Variants in WDR48 observed in about 807,000 individuals in gnomAD.
WDR48 encodes the protein WD repeat-containing protein 48.
Under a neutral mutation model 94.0 loss-of-function variants are expected in WDR48, and 22 were observed. The ratio of observed to expected loss-of-function variants is 0.23; its 90% CI spans 0.17 to 0.33. WDR48 has a LOEUF of 0.33. WDR48 is among the 10% of genes least tolerant of loss of function. WDR48 has a pLI of 1.00. For synonymous variants in WDR48, 278 were observed against 280.5 expected (o/e 0.99, Z 0.09); for missense variants, 541 against 813.8 (o/e 0.66, Z 4.08).
intron 1 of WDR48, among the ~76,000 whole-genome samples, chr3:39,054,427 A>T (rs2032714981): frequency 6.6e-6 from 1 of 152,172 alleles, no homozygotes; most frequent in Non-Finnish European, 1.5e-5. Context: ...GTCTCCAGAC[A>T]TTTTCAAATG....
chr3:39,080,413 C>T (rs2034461107), intron 11 of WDR48, among the ~76,000 whole-genome samples: 1 of 152,224 alleles, frequency 6.6e-6, no homozygotes, highest in African/African-American at 2.4e-5. Context: ...AGTTGAAATG[C>T]ATGAAGCTAT....
intron 13 of WDR48, 44 bp from the exon 14 acceptor site, chr3:39,085,471 A>T: frequency 6.8e-7 from 1 of 1,473,424 alleles, no homozygotes; most frequent in Non-Finnish European, 9.4e-7. Context: ...AAGCCAAGTA[A>T]CTCGCTTTTC....
chr3:39,077,331 G>T, intron 9 of WDR48, 118 bp downstream of exon 9: 1 of 994,050 alleles, frequency 1.0e-6, no homozygotes. Context: ...TTTGGGCAGG[G>T]GCAAAAACCT....
intron 11 of WDR48, among the ~76,000 whole-genome samples, chr3:39,080,627 C>T (rs1367180692): frequency 6.6e-6 from 1 of 152,148 alleles, no homozygotes; most frequent in African/African-American, 2.4e-5. Context: ...TACCTTGATC[C>T]CCTTTGGTAG....
rs546286204 is a variant in WDR48, at chr3:39,081,845, G to A, written c.1173+2037G>A. Among the ~76,000 whole-genome samples the A allele has an allele frequency of 2.7e-3, 418 of 152,346 alleles. 1 individual carries two copies. Among genetic ancestry groups the A allele is most frequent in the African/African-American group, 9.6e-3 (398 of 41,576 alleles). ...TCTGAATGGGAGGTACTTCTACTTA[G>A]ATGGGGCCAGCATACATCATGATTG... On this transcript the variant is annotated intron_variant, in intron 11 of 18. Transcript: ENST00000302313.
intron 14 of WDR48, chr3:39,086,487 AC>A (rs2034814941): frequency 6.6e-6 from 1 of 152,090 alleles, no homozygotes; most frequent in Non-Finnish European, 1.5e-5. Flanking sequence ...TTCCTTGAAA[AC>A]CAGTCTTCTG....
chr3:39,057,444 A>G (rs1017110814), intron 1 of WDR48, among the ~76,000 whole-genome samples: 2 of 152,206 alleles, frequency 1.3e-5, no homozygotes, highest in Non-Finnish European at 2.9e-5. Flanking sequence ...CATTACAGTC[A>G]TTACTATTTG....
At chr3:39,092,758 T>A (rs1880498) in intron 17 of WDR48, among the ~76,000 whole-genome samples, 1 of 151,982 alleles carries the variant, frequency 6.6e-6, no homozygotes, top group Non-Finnish European at 1.5e-5. Flanking sequence ...TCCAAACTTA[T>A]ATAGAAAGAA....
chr3:39,068,167 T>C (rs1235546739), intron 5 of WDR48, among the ~76,000 whole-genome samples: 1 of 152,216 alleles, frequency 6.6e-6, no homozygotes, highest in African/African-American at 2.4e-5. Context: ...GTAGACATTT[T>C]TCTAAACAGT....
chr3:39,070,852 T>G (rs1290528068), intron 7 of WDR48, among the ~76,000 whole-genome samples: 2 of 151,950 alleles, frequency 1.3e-5, no homozygotes, highest in African/African-American at 2.4e-5. Context: ...CCCACAACAG[T>G]CCCCAGAGTG....
At chr3:39,070,105 T>G (rs962128875) in intron 7 of WDR48, among the ~76,000 whole-genome samples, 1 of 152,242 alleles carries the variant, frequency 6.6e-6, no homozygotes, top group African/African-American at 2.4e-5. Context: ...TGGGTCTGAC[T>G]TAGGGGCACA....
At chr3:39,092,903 ACAC>A (rs2035156306) in intron 17 of WDR48, among the ~76,000 whole-genome samples, 1 of 151,944 alleles carries the variant, frequency 6.6e-6, no homozygotes, top group Non-Finnish European at 1.5e-5. Context: ...ACACACACAC[ACAC>A]AATTATTTTA....
intron 2 of WDR48, 115 bp from the exon 3 acceptor site, chr3:39,065,696 A>G: frequency 3.3e-6 from 2 of 605,728 alleles, no homozygotes; most frequent in Non-Finnish European, 5.3e-6. Context: ...TTCAGGTGTT[A>G]GTTTTAATGC....
At chr3:39,076,045 T>G (rs2034207514) in intron 8 of WDR48, among the ~76,000 whole-genome samples, 1 of 152,158 alleles carries the variant, frequency 6.6e-6, no homozygotes, top group Non-Finnish European at 1.5e-5. Flanking sequence ...ACTACTCCCT[T>G]TTCTCAGAAA....
chr3:39,075,870 GT>G (rs895288313), intron 8 of WDR48, among the ~76,000 whole-genome samples: 1 of 151,072 alleles, frequency 6.6e-6, no homozygotes. Context: ...ATTTTTTTTT[GT>G]TTTTTTAGTA....
chr3:39,089,249 C>T lies in WDR48; in HGVS notation c.1599C>T (p.Ser533=), dbSNP rs977751105. 11 of 1,612,920 alleles carry T rather than the reference C, an allele frequency of 6.8e-6. No individual in the cohort carries two copies. The highest frequency in any genetic ancestry group is 4.4e-5 in the South Asian group (4 of 90,756). The stretch of plus-strand genomic sequence containing the variant: ...TGTTTAGGCTGCTCTGCCGAGATTC[C>T]GGGGGTGAGACTGAGTCTATGCTTC... The part of the protein sequence containing the change: ...RTLFRLLCRD[S]GGETESMLLN... Residue 533 remains serine (S), a synonymous_variant, in exon 16 of 19, where the codon TCC becomes TCT. Coordinates refer to ENST00000302313, the MANE Select transcript of WDR48 (RefSeq NM_020839.4).
At chr3:39,073,485 A>G (rs1340823227) in intron 7 of WDR48, among the ~76,000 whole-genome samples, 1 of 152,212 alleles carries the variant, frequency 6.6e-6, no homozygotes, top group African/African-American at 2.4e-5. Flanking sequence ...CAAATCTCCA[A>G]GCCCACAACT....
At position 39,082,220 on chromosome 3, in the gene WDR48, G is replaced by A. The variant is rs142010311; in HGVS notation, c.1174-1935G>A. Among the ~76,000 whole-genome samples, 533 of 152,236 alleles carry A rather than the reference G, an allele frequency of 3.5e-3. 1 individual carries two copies. The highest frequency in any genetic ancestry group is 4.4e-3 in the Non-Finnish European group (302 of 68,010). On this transcript the variant is annotated intron_variant, in intron 11 of 18. Coordinates refer to ENST00000302313, the MANE Select transcript of WDR48 (RefSeq NM_020839.4). Reference sequence around the variant, plus strand: ...TTGTCTAGACTAGGGTGGGAACAAGGGGGATGGAAAAAATCGAATGATTAG... The same window carrying A: ...TTGTCTAGACTAGGGTGGGAACAAGAGGGATGGAAAAAATCGAATGATTAG...
intron 1 of WDR48, among the ~76,000 whole-genome samples, chr3:39,059,931 C>CTT (rs149387933): frequency 0.029 from 4,377 of 152,120 alleles, 211 homozygotes; most frequent in African/African-American, 0.1. Context: ...CTTTTTGTAA[C>CTT]TGTCCCTCTT....
Sources: allele counts gnomAD v4.1 joint callset (sites outside exome capture counted in the v4.1 genomes callset), GRCh38; gene constraint gnomAD v4.1.1; transcripts MANE v1.5; gene names NCBI Gene and HGNC (gene_info 2026-07-23, HGNC 2026-07-21).